SYNE2: variants seen among roughly 807,000 people sequenced by gnomAD.
The protein encoded by SYNE2 is nesprin-2.
A neutral mutation model predicts 856.3 loss-of-function variants in SYNE2; 431 were observed. The observed-to-expected ratio is 0.50, with a 90% confidence interval of 0.47 to 0.55. The LOEUF is 0.55. Ranked by LOEUF, SYNE2 falls within the 20% of genes least tolerant of loss-of-function variation. The probability of loss-of-function intolerance (pLI) is 0.00; values close to 1 mark genes in which losing one functional copy is unlikely to be tolerated. For missense variants in SYNE2, 8,129 were observed against 8,023.2 expected, an observed-to-expected ratio of 1.01 and a Z score of -0.50; for synonymous variants, 2,923 against 2,872.3, an observed-to-expected ratio of 1.02 and a Z score of -0.56.
intron 1 of SYNE2, among the ~76,000 whole-genome samples, chr14:63,841,015 A>AAAAAC (rs545110673): frequency 2.8e-4 from 42 of 152,268 alleles, no homozygotes; most frequent in East Asian, 5.8e-4. Context: ...ACTCTGTCTC[A>AAAAAC]AAAACAAAAC....
intron 73 of SYNE2, 131 bp downstream of exon 73, chr14:64,126,938 T>C: frequency 3.8e-6 from 4 of 1,064,746 alleles, no homozygotes; most frequent in South Asian, 2.7e-5. Context: ...CTCTTCTGTT[T>C]GTTGCTCATG....
upstream of SYNE2, among the ~76,000 whole-genome samples, chr14:63,851,910 C>G (rs1364904790): frequency 6.9e-6 from 1 of 143,934 alleles, no homozygotes; most frequent in Non-Finnish European, 1.5e-5. Context: ...CAGCCAAACC[C>G]CGACTCTAAA....
At chr14:63,775,427 C>T (rs1887073861) in intron 1 of SYNE2, among the ~76,000 whole-genome samples, 1 of 152,026 alleles carries the variant, frequency 6.6e-6, no homozygotes, top group South Asian at 2.1e-4. Context: ...AGGTGCCTGC[C>T]ACAGTGCCCA....
At chr14:64,144,023 G>C in intron 83 of SYNE2, 75 bp downstream of exon 83, 1 of 1,541,416 alleles carries the variant, frequency 6.5e-7, no homozygotes, top group Non-Finnish European at 9.0e-7. Flanking sequence ...CAAAAAAGAC[G>C]TTCAATTAGT....
intron 1 of SYNE2, among the ~76,000 whole-genome samples, chr14:63,801,196 G>A (rs1197981608): frequency 7.2e-5 from 11 of 152,128 alleles, no homozygotes; most frequent in Non-Finnish European, 1.5e-4. Context: ...GCTACACAGA[G>A]AGCAGAAAGG....
chr14:63,789,408 T>G (rs547129713), intron 1 of SYNE2, among the ~76,000 whole-genome samples: 2 of 152,324 alleles, frequency 1.3e-5, no homozygotes, highest in South Asian at 4.1e-4. Flanking sequence ...TACGAAGGAA[T>G]TTTGTTTCAT....
At chr14:64,140,154 G>C in intron 80 of SYNE2, 81 bp downstream of exon 80, 1 of 1,403,916 alleles carries the variant, frequency 7.1e-7, no homozygotes, top group Non-Finnish European at 1.0e-6. Flanking sequence ...TGATGTGATA[G>C]TCTTCGTATT....
intron 97 of SYNE2, among the ~76,000 whole-genome samples, chr14:64,187,407 A>G (rs1375871558): frequency 1.3e-5 from 2 of 152,236 alleles, no homozygotes; most frequent in African/African-American, 2.4e-5. Context: ...TGTTTAGAAT[A>G]TATGAAAAGT....
intron 66 of SYNE2, among the ~76,000 whole-genome samples, chr14:64,116,433 T>C (rs2097854405): frequency 6.6e-6 from 1 of 152,190 alleles, no homozygotes; most frequent in South Asian, 2.1e-4. Flanking sequence ...CATTACTTTT[T>C]TTTTGAGGTG....
intron 8 of SYNE2, chr14:63,960,722 C>A: frequency 1.3e-6 from 1 of 762,110 alleles, no homozygotes; most frequent in South Asian, 1.4e-5. Flanking sequence ...TTTATGATCT[C>A]CTTCACTTAT....
chr14:64,163,483 G>A lies in SYNE2; in HGVS notation c.16381G>A (p.Glu5461Lys). The A allele has an allele frequency of 1.9e-6, 3 of 1,614,186 alleles. No homozygotes were observed. Among genetic ancestry groups the A allele is most frequent in the Non-Finnish European group, 2.5e-6 (3 of 1,180,036 alleles). ...SVLDRLPQPA[E>K]SSTHMLLPGP... ...CCTGGATCGACTCCCACAACCCGCAGAGTCCAGCACCCACATGCTCCTCCC... is the reference window on the plus strand; with the variant it reads ...CCTGGATCGACTCCCACAACCCGCAAAGTCCAGCACCCACATGCTCCTCCC... The change falls in exon 89 of 116, where the codon GAG becomes AAG. Residue 5461 changes from glutamate (E) to lysine (K), a missense_variant. By Grantham distance (56) the Glu-to-Lys change is moderately conservative. This residue lies in a region of SYNE2 where 5,410 missense variants were observed against 5,284.8 expected (regional missense o/e 1.02). Transcript: ENST00000555002.
At chr14:64,139,425 T>A (rs1269152182) in intron 79 of SYNE2, among the ~76,000 whole-genome samples, 5 of 151,600 alleles carry the variant, frequency 3.3e-5, no homozygotes, top group East Asian at 1.9e-4. Flanking sequence ...TTTTTTTTTT[T>A]ATTTGAGACA....
At chr14:63,826,138 T>C (rs1440970937) in intron 1 of SYNE2, among the ~76,000 whole-genome samples, 1 of 152,060 alleles carries the variant, frequency 6.6e-6, no homozygotes, top group African/African-American at 2.4e-5. Flanking sequence ...CACTTCCCAA[T>C]TTCAAAACTT....
intron 1 of SYNE2, among the ~76,000 whole-genome samples, chr14:63,892,744 T>G (rs538976424): frequency 0.015 from 2,202 of 151,252 alleles, 22 homozygotes; most frequent in South Asian, 0.029. Context: ...TTTTTTTTTT[T>G]TTGTTGTAGA....
chr14:64,156,439 CTTTAT>C (rs2098286086), intron 85 of SYNE2, among the ~76,000 whole-genome samples: 1 of 150,976 alleles, frequency 6.6e-6, no homozygotes, highest in Non-Finnish European at 1.5e-5. Context: ...TGCCTTTCTT[CTTTAT>C]TTTCTTTTTT....
intron 1 of SYNE2, among the ~76,000 whole-genome samples, chr14:63,814,769 TATATATATCC>T (rs570381323): frequency 0.23 from 8,235 of 35,860 alleles, 1,147 homozygotes; most frequent in Middle Eastern, 0.47. Context: ...TATATATCCA[TATATATATCC>T]ATATATATCC....
At chr14:63,951,826 C>A (rs116200704) in intron 7 of SYNE2, among the ~76,000 whole-genome samples, 1,529 of 152,174 alleles carry the variant, frequency 0.01, 16 homozygotes, top group African/African-American at 0.035. Flanking sequence ...CATAAATAAC[C>A]TTAAAGTCCT....
Position 64,225,642 on chromosome 14 carries a change from A to T in SYNE2, c.*116A>T, listed in dbSNP as rs1228956014. On this transcript the variant is annotated 3_prime_UTR_variant, in exon 116 of 116. Transcript: ENST00000555002. ...TGGCAAGGTCCCGGGACCTGTGCAG[A>T]CTTCTTCTGGGCTTACCCAGCACGG... The T allele has an allele frequency of 7.7e-6, 9 of 1,172,278 alleles. No individual in the cohort carries two copies. The Admixed American group carries it at 1.8e-4, about 23-fold the overall frequency. 72.6% of individuals were successfully genotyped at this position (1,172,278 alleles called of 1,614,324 possible).
intron 11 of SYNE2, among the ~76,000 whole-genome samples, chr14:63,972,884 A>T (rs1177301422): frequency 6.6e-6 from 1 of 152,244 alleles, no homozygotes; most frequent in Non-Finnish European, 1.5e-5. Context: ...TTATTTATCA[A>T]ATTTCTGTTT....
Sources: allele counts gnomAD v4.1 joint callset (sites outside exome capture counted in the v4.1 genomes callset), GRCh38; gene constraint gnomAD v4.1.1; regional missense constraint gnomAD v4.1.1; transcripts MANE v1.5; gene names NCBI Gene and HGNC (gene_info 2026-07-23, HGNC 2026-07-21).